MYO9B: variants seen among roughly 807,000 people sequenced by gnomAD.
MYO9B encodes the protein myosin IXB.
MYO9B carries 71 observed loss-of-function variants against 229.5 expected under a neutral mutation model. The observed-to-expected ratio is 0.31, with a 90% CI of 0.26 to 0.38. The LOEUF is 0.38. Among genes scored for constraint, MYO9B ranks in the 10% least tolerant of loss-of-function variants. The pLI is 1.00. For missense variants in MYO9B, 2,255 were observed against 2,920.5 expected (o/e 0.77, Z 5.25); for synonymous variants, 1,185 against 1,235.8 (o/e 0.96, Z 0.86).
intron 2 of MYO9B, among the ~76,000 whole-genome samples, chr19:17,108,987 A>G (rs2057820366): frequency 6.6e-6 from 1 of 151,898 alleles, no homozygotes; most frequent in Non-Finnish European, 1.5e-5. Flanking sequence ...TGCTGGGATT[A>G]TAGGCGTGAG....
chr19:17,086,771 T>C (rs112052085), intron 1 of MYO9B, among the ~76,000 whole-genome samples: 3 of 151,832 alleles, frequency 2.0e-5, no homozygotes, highest in Non-Finnish European at 4.4e-5. Context: ...TCCCAGCTAC[T>C]CGGGAGGCTG....
intron 1 of MYO9B, among the ~76,000 whole-genome samples, chr19:17,089,410 A>G (rs909909290): frequency 6.6e-6 from 1 of 152,232 alleles, no homozygotes; most frequent in Non-Finnish European, 1.5e-5. Context: ...ATTTCATCCT[A>G]TAAACATGTG....
intron 1 of MYO9B, among the ~76,000 whole-genome samples, chr19:17,098,993 A>G (rs1161571851): frequency 2.4e-5 from 3 of 126,986 alleles, no homozygotes; most frequent in Admixed American, 1.6e-4. Context: ...AAAAAAAAAA[A>G]GGGCTAGGTG....
intron 19 of MYO9B, among the ~76,000 whole-genome samples, chr19:17,190,425 C>T (rs924333429): frequency 2.4e-4 from 35 of 143,558 alleles, no homozygotes; most frequent in Non-Finnish European, 4.0e-4. Flanking sequence ...CTCAGGAGTT[C>T]GATACCAGCC....
At chr19:17,133,376 C>T (rs2072227039) in intron 2 of MYO9B, among the ~76,000 whole-genome samples, 1 of 151,944 alleles carries the variant, frequency 6.6e-6, no homozygotes, top group Non-Finnish European at 1.5e-5. Context: ...TGAATTTATT[C>T]CTCCTCTCTA....
At chr19:17,181,844 C>T (rs947615581) in intron 15 of MYO9B, among the ~76,000 whole-genome samples, 18 of 151,724 alleles carry the variant, frequency 1.2e-4, no homozygotes, top group African/African-American at 3.4e-4. Context: ...GGTATGATCT[C>T]GGCTCACTGC....
chr19:17,110,731 G>T (rs2057839783), intron 2 of MYO9B, among the ~76,000 whole-genome samples: 1 of 152,178 alleles, frequency 6.6e-6, no homozygotes, highest in Non-Finnish European at 1.5e-5. Flanking sequence ...GTGGGACACG[G>T]TGACAGTGAT....
chr19:17,118,802 A>C (rs2057933099), intron 2 of MYO9B, among the ~76,000 whole-genome samples: 1 of 151,814 alleles, frequency 6.6e-6, no homozygotes, highest in Non-Finnish European at 1.5e-5. Flanking sequence ...TTTTAATTTA[A>C]ATTTTCTTTT....
intron 24 of MYO9B, among the ~76,000 whole-genome samples, chr19:17,198,782 C>T (rs1236029980): frequency 3.3e-5 from 5 of 151,070 alleles, no homozygotes; most frequent in Admixed American, 2.0e-4. Flanking sequence ...ATCCTTCCTG[C>T]CTCTTCTGGC....
At chr19:17,168,996 C>T (rs557281370) in intron 11 of MYO9B, among the ~76,000 whole-genome samples, 117 of 152,284 alleles carry the variant, frequency 7.7e-4, no homozygotes, top group African/African-American at 2.7e-3. Context: ...GAACTACTTT[C>T]CTGTGGCTCC....
At chr19:17,163,164 A>G in intron 10 of MYO9B, 42 bp downstream of exon 10, 4 of 1,534,906 alleles carry the variant, frequency 2.6e-6, no homozygotes, top group Non-Finnish European at 3.5e-6. Context: ...AACTTGGTAA[A>G]TCAGACATCA....
At chr19:17,170,901 G>C (rs2072717985) in intron 11 of MYO9B, among the ~76,000 whole-genome samples, 1 of 151,368 alleles carries the variant, frequency 6.6e-6, no homozygotes, top group African/African-American at 2.4e-5. Context: ...AAACTCCCAG[G>C]GTCAGATCAG....
chr19:17,092,702 G>T (rs1466987962), intron 1 of MYO9B, among the ~76,000 whole-genome samples: 1 of 149,372 alleles, frequency 6.7e-6, no homozygotes, highest in African/African-American at 2.5e-5. Context: ...TCCAGCCTGG[G>T]TGACAGAGCA....
chr19:17,162,336 C>A lies in MYO9B; in HGVS notation c.1420-14C>A, dbSNP rs1442028075. On this transcript the variant is annotated splice_polypyrimidine_tract_variant and intron_variant, in intron 8 of 39. Coordinates refer to ENST00000682292, the MANE Select transcript of MYO9B (RefSeq NM_004145.4). ...TGCCGTGCCGGAGGTGAGTCACCCC[C>A]TCTGTGTCCACAGGCCATCACTGCC... 3.2e-6 allele frequency: 5 copies of A among 1,556,800 alleles called. No individual in the cohort carries two copies. The highest frequency in any genetic ancestry group is 4.3e-6 in the Non-Finnish European group (5 of 1,152,120).
rs1396631338 is a variant in MYO9B at position 17,202,829 on chromosome 19, G to C, written c.4837-13G>C. ...GGGGGCCCCCGCCAACCTCCTCCTT[G>C]TGTTCCTCACAGCAGAGCAAAGCTC... On this transcript the variant is annotated splice_polypyrimidine_tract_variant and intron_variant, in intron 28 of 39. Coordinates refer to ENST00000682292, the MANE Select transcript of MYO9B (RefSeq NM_004145.4). 3.2e-6 allele frequency: 5 copies of C among 1,587,026 alleles called. No homozygotes were observed. The East Asian group carries it at 1.2e-4, about 37-fold the overall frequency.
intron 13 of MYO9B, among the ~76,000 whole-genome samples, chr19:17,173,863 G>C (rs2072752708): frequency 6.6e-6 from 1 of 152,060 alleles, no homozygotes; most frequent in Non-Finnish European, 1.5e-5. Flanking sequence ...CTCAGCTTCA[G>C]TTTCAGTTAT....
chr19:17,102,056 C>T lies in MYO9B; in HGVS notation c.339C>T (p.Asn113=), dbSNP rs183787206. Residue 113 remains asparagine (N), a synonymous_variant, in exon 2 of 40, where the codon AAC becomes AAT. Coordinates refer to ENST00000682292, the MANE Select transcript of MYO9B (RefSeq NM_004145.4). The part of the protein sequence containing the change: ...DGYYFLLQER[N]ADGTIKYVHM... ...ACTACTTCCTGCTGCAGGAGCGCAA[C>T]GCAGATGGAACCATCAAGTACGTGC... is the stretch of plus-strand genomic sequence containing the variant. 284 of 1,612,508 alleles carry T rather than the reference C, an allele frequency of 1.8e-4. No homozygotes were observed. The Middle Eastern group carries it at 2.3e-3, about 13-fold the overall frequency.
chr19:17,190,372 A>C (rs559636028), intron 19 of MYO9B, among the ~76,000 whole-genome samples: 1 of 150,834 alleles, frequency 6.6e-6, no homozygotes, highest in East Asian at 2.1e-4. Context: ...TTTGGTAGAG[A>C]CAGGGTTTTG....
At chr19:17,083,011 AGTGT>A (rs2057547708) in intron 1 of MYO9B, among the ~76,000 whole-genome samples, 2 of 145,506 alleles carry the variant, frequency 1.4e-5, no homozygotes, top group African/African-American at 5.1e-5. Context: ...GGAGGCTGAA[AGTGT>A]GTGAATCTTG....
Sources: allele counts gnomAD v4.1 joint callset (sites outside exome capture counted in the v4.1 genomes callset), GRCh38; gene constraint gnomAD v4.1.1; transcripts MANE v1.5; gene names NCBI Gene and HGNC (gene_info 2026-07-23, HGNC 2026-07-21).